The following ZNF329 variants were observed in gnomAD, a reference collection of about 807,000 sequenced individuals.
The protein encoded by ZNF329 is zinc finger protein 329.
In ZNF329, 15 loss-of-function variants were observed where a neutral mutation model predicts 26.6. The ratio of observed to expected loss-of-function variants is 0.56; its 90% CI spans 0.38 to 0.87. ZNF329 has a LOEUF of 0.87. ZNF329 is among the 40% of genes least tolerant of loss of function. The probability of loss-of-function intolerance (pLI) is 0.00; values close to 1 mark genes in which losing one functional copy is unlikely to be tolerated. For synonymous variants in ZNF329, 239 were observed against 233.5 expected (o/e 1.02, Z -0.21); for missense variants, 651 against 651.9 (o/e 1.00, Z 0.02).
At chr19:58,135,400 TGGGATTACA>T (rs967184210) in intron 3 of ZNF329, among the ~76,000 whole-genome samples, 6 of 152,096 alleles carry the variant, frequency 3.9e-5, no homozygotes, top group African/African-American at 1.4e-4. Flanking sequence ...CCTCCCGAGA[TGGGATTACA>T]GGTGCCCACC....
chr19:58,131,463 C>T (rs879925295), intron 3 of ZNF329, among the ~76,000 whole-genome samples: 1 of 152,040 alleles, frequency 6.6e-6, no homozygotes, highest in Non-Finnish European at 1.5e-5. Context: ...ATTAAGAAGT[C>T]TGATATCAGC....
chr19:58,153,446 C>A (rs1349170487), upstream of ZNF329, among the ~76,000 whole-genome samples: 1 of 152,166 alleles, frequency 6.6e-6, no homozygotes, highest in Non-Finnish European at 1.5e-5. Flanking sequence ...TGTAGGCAAT[C>A]TTTTTCTGTG....
At chr19:58,140,830 G>GC (rs2075168606) in intron 3 of ZNF329, among the ~76,000 whole-genome samples, 1 of 151,054 alleles carries the variant, frequency 6.6e-6, no homozygotes. Flanking sequence ...TCCCACCTCA[G>GC]CTTCCTGAGT....
chr19:58,136,883 C>G (rs1173294249), intron 3 of ZNF329: 1 of 177,562 alleles, frequency 5.6e-6, no homozygotes, highest in Admixed American at 5.6e-5. Context: ...CGCATGGTGC[C>G]CTCAGAATGG....
At chr19:58,129,991 G>A (rs1473803283) in intron 3 of ZNF329, among the ~76,000 whole-genome samples, 3 of 152,196 alleles carry the variant, frequency 2.0e-5, no homozygotes, top group African/African-American at 7.2e-5. Context: ...GCACAGGCTT[G>A]GTGACCTAAA....
rs1193510233 is a variant in ZNF329 at position 58,128,790 on chromosome 19, C to A, written c.714G>T (p.Lys238Asn). The change falls in exon 4 of 4, where the codon AAG (lysine) becomes AAT (asparagine). Residue 238 changes from lysine to asparagine, a missense_variant. Transcript: ENST00000598312. ...EKPYTCNECG[K>N]SFSKNYNLIV... is the part of the protein sequence containing the mutation. ...TCAGGTTGTAGTTCTTGGAGAAGGA[C>A]TTTCCACACTCATTACAAGTATAAG... 6.2e-7 allele frequency: 1 copy of A among 1,600,162 alleles called. No individual in the cohort carries two copies. The highest frequency in any genetic ancestry group is 2.2e-5 in the East Asian group (1 of 44,766).
In ZNF329 at chr19:58,128,141, A is replaced by G; in HGVS notation, c.1363T>C (p.Tyr455His). 1 of 1,589,948 alleles carries G rather than the reference A, an allele frequency of 6.3e-7. No homozygotes were observed. The highest frequency in any genetic ancestry group is 1.2e-5 in the South Asian group (1 of 86,706). Residue 455 changes from tyrosine to histidine, a missense_variant, in exon 4 of 4, where the codon TAT becomes CAT. Tyr to His is a moderately conservative substitution (Grantham distance 83, BLOSUM62 2). Coordinates refer to ENST00000598312, the MANE Select transcript of ZNF329 (RefSeq NM_024620.4). Reference sequence around the variant, plus strand: ...GCTTTGCCACACTGATTACACTCATAGGGCTTCTCACCAGTATGAGTCCTC... The same window carrying G: ...GCTTTGCCACACTGATTACACTCATGGGGCTTCTCACCAGTATGAGTCCTC... ...HQRTHTGEKP[Y>H]ECNQCGKAFR...
At chr19:58,142,528 C>A (rs556978042) in intron 3 of ZNF329, 29 bp downstream of exon 3, 1 of 152,730 alleles carries the variant, frequency 6.5e-6, no homozygotes, top group South Asian at 2.1e-4. Flanking sequence ...GTGCTGAGCT[C>A]ATGTAGACTT....
upstream of ZNF329, chr19:58,154,957 G>A (rs2075518534): frequency 6.6e-6 from 1 of 152,518 alleles, no homozygotes; most frequent in Non-Finnish European, 1.5e-5. Flanking sequence ...CGCGACTCCG[G>A]GCCTGTTGGC....
chr19:58,147,429 G>T (rs1568676335), intron 1 of ZNF329, among the ~76,000 whole-genome samples: 1 of 144,586 alleles, frequency 6.9e-6, no homozygotes, highest in Non-Finnish European at 1.5e-5. Context: ...TGGGGGGCCA[G>T]CCCCCCGCCC....
intron 3 of ZNF329, among the ~76,000 whole-genome samples, chr19:58,130,813 C>T (rs544837042): frequency 6.6e-6 from 1 of 152,218 alleles, no homozygotes; most frequent in East Asian, 1.9e-4. Context: ...TCAGACTTCA[C>T]AATATTAAGA....
At chr19:58,134,649 G>A (rs1198511785) in intron 3 of ZNF329, among the ~76,000 whole-genome samples, 1 of 152,096 alleles carries the variant, frequency 6.6e-6, no homozygotes, top group Admixed American at 6.6e-5. Context: ...TCAAAACACA[G>A]AGCAGGCCGG....
chr19:58,131,949 G>C (rs1213206604), intron 3 of ZNF329, among the ~76,000 whole-genome samples: 6 of 151,476 alleles, frequency 4.0e-5, no homozygotes, highest in Admixed American at 3.9e-4. Flanking sequence ...CATGAACCCG[G>C]GAGGCAGAGC....
chr19:58,134,140 A>G (rs1479592266), intron 3 of ZNF329, among the ~76,000 whole-genome samples: 6 of 152,236 alleles, frequency 3.9e-5, no homozygotes, highest in Non-Finnish European at 7.3e-5. Context: ...TCTGGAGATG[A>G]TTTTGGTTGT....
intron 3 of ZNF329, among the ~76,000 whole-genome samples, chr19:58,131,013 T>G (rs2074928153): frequency 6.6e-6 from 1 of 152,182 alleles, no homozygotes; most frequent in Non-Finnish European, 1.5e-5. Context: ...CAGCCTTCTT[T>G]CTATTTTTTA....
chr19:58,134,615 G>T (rs1165531727), intron 3 of ZNF329, among the ~76,000 whole-genome samples: 1 of 152,178 alleles, frequency 6.6e-6, no homozygotes, highest in Admixed American at 6.5e-5. Context: ...GGATCACAGG[G>T]CAATGTAACA....
upstream of ZNF329, chr19:58,154,822 CAGGCAGCGG>C: frequency 6.6e-6 from 1 of 152,388 alleles, no homozygotes; most frequent in Non-Finnish European, 1.5e-5. Flanking sequence ...GGCAGGATCG[CAGGCAGCGG>C]AGGCCCTGCC....
At chr19:58,138,736 C>T (rs1284534151) in intron 3 of ZNF329, among the ~76,000 whole-genome samples, 2 of 152,136 alleles carry the variant, frequency 1.3e-5, no homozygotes, top group Admixed American at 1.3e-4. Flanking sequence ...GTGGCTCACA[C>T]CTGTAATCCC....
intron 3 of ZNF329, among the ~76,000 whole-genome samples, chr19:58,140,343 G>A (rs972250071): frequency 9.2e-5 from 14 of 151,744 alleles, no homozygotes; most frequent in East Asian, 3.9e-4. Flanking sequence ...ATTATAAACC[G>A]TGCACATTAC....
Sources: allele counts gnomAD v4.1 joint callset (sites outside exome capture counted in the v4.1 genomes callset), GRCh38; gene constraint gnomAD v4.1.1; transcripts MANE v1.5; gene names NCBI Gene and HGNC (gene_info 2026-07-23, HGNC 2026-07-21).